GLIS3: variants seen among roughly 807,000 people sequenced by gnomAD.
The protein encoded by GLIS3 is GLIS family zinc finger 3, also known as zinc finger protein GLIS3.
A neutral mutation model predicts 78.6 loss-of-function variants in GLIS3; 53 were observed. The ratio of observed to expected loss-of-function variants is 0.67; its 90% CI spans 0.54 to 0.85. The LOEUF is 0.85. GLIS3 is among the 40% of genes least tolerant of loss of function. The pLI is 0.00. For synonymous variants in GLIS3, 684 were observed against 509.9 expected (o/e 1.34, Z -4.60); for missense variants, 1,703 against 1,231.1 (o/e 1.38, Z -5.74).
At chr9:4,318,845 C>G (rs979296016) in intron 2 of GLIS3, among the ~76,000 whole-genome samples, 4 of 152,182 alleles carry the variant, frequency 2.6e-5, no homozygotes, top group Admixed American at 6.5e-5. Flanking sequence ...TATCTCCCCA[C>G]AGATTACTTG....
chr9:3,854,528 C>G (rs1201160789), intron 9 of GLIS3, among the ~76,000 whole-genome samples: 2 of 124,264 alleles, frequency 1.6e-5, no homozygotes, highest in Non-Finnish European at 3.4e-5. Context: ...CTGTTCAGGC[C>G]TTTACGTTGA....
At chr9:4,161,813 G>A (rs1008247135) in intron 2 of GLIS3, among the ~76,000 whole-genome samples, 11 of 150,846 alleles carry the variant, frequency 7.3e-5, no homozygotes. Context: ...TCAAGTAGCT[G>A]GGATTACAGG....
intron 2 of GLIS3, among the ~76,000 whole-genome samples, chr9:4,263,032 A>T (rs1453838926): frequency 6.6e-6 from 1 of 152,084 alleles, no homozygotes; most frequent in East Asian, 1.9e-4. Context: ...AGGCAAGGCT[A>T]GAATGTTTCC....
At chr9:3,897,001 A>T (rs1471663227) in intron 7 of GLIS3, among the ~76,000 whole-genome samples, 1 of 152,242 alleles carries the variant, frequency 6.6e-6, no homozygotes, top group East Asian at 1.9e-4. Context: ...ACCTTAAAAT[A>T]TTTAAAACTC....
At chr9:4,239,907 G>A (rs886263237) in intron 2 of GLIS3, among the ~76,000 whole-genome samples, 3 of 152,098 alleles carry the variant, frequency 2.0e-5, no homozygotes, top group Admixed American at 6.5e-5. Context: ...GACCTTTACA[G>A]GAATAAAGGA....
chr9:4,332,308 G>A (rs767977501), intron 2 of GLIS3, among the ~76,000 whole-genome samples: 2 of 152,088 alleles, frequency 1.3e-5, no homozygotes, highest in Non-Finnish European at 2.9e-5. Context: ...TGGAGGCAGG[G>A]ACTGTTAACT....
chr9:4,271,481 G>A (rs1416678717), intron 2 of GLIS3, among the ~76,000 whole-genome samples: 1 of 152,136 alleles, frequency 6.6e-6, no homozygotes, highest in Non-Finnish European at 1.5e-5. Flanking sequence ...CTAAAAAACA[G>A]AAAAGTTATC....
intron 4 of GLIS3, among the ~76,000 whole-genome samples, chr9:4,089,916 G>T (rs1829353401): frequency 2.0e-5 from 3 of 152,318 alleles, no homozygotes; most frequent in East Asian, 1.9e-4. Context: ...TGATCATAAA[G>T]AGGAGTATTT....
At chr9:4,429,699 C>CA in the GLIS3 span, among the ~76,000 whole-genome samples, 3 of 152,110 alleles carry the variant, frequency 2.0e-5, no homozygotes, top group Non-Finnish European at 4.4e-5. Context: ...CTGTTTTCAC[C>CA]AAACATTGAA....
At chr9:4,121,752 T>A (rs897761183) in intron 3 of GLIS3, among the ~76,000 whole-genome samples, 1 of 152,134 alleles carries the variant, frequency 6.6e-6, no homozygotes, top group African/African-American at 2.4e-5. Context: ...TTTCTTTACA[T>A]TGTATCCCAC....
At chr9:4,466,873 C>T in the GLIS3 span, among the ~76,000 whole-genome samples, 228 of 152,318 alleles carry the variant, frequency 1.5e-3, no homozygotes, top group African/African-American at 5.2e-3. Flanking sequence ...GGGGTATTCC[C>T]CTTCCTAGCC....
At chr9:3,840,057 G>C (rs902806346) in intron 9 of GLIS3, among the ~76,000 whole-genome samples, 6 of 152,132 alleles carry the variant, frequency 3.9e-5, no homozygotes, top group Non-Finnish European at 5.9e-5. Context: ...TTGGATGAAT[G>C]ATTTTTTCTT....
the GLIS3 span, among the ~76,000 whole-genome samples, chr9:4,392,600 G>T: frequency 6.6e-6 from 1 of 151,960 alleles, no homozygotes; most frequent in African/African-American, 2.4e-5. Context: ...TTTTTCTTTT[G>T]TATCTGGTCC....
intron 2 of GLIS3, among the ~76,000 whole-genome samples, chr9:4,181,159 C>A (rs893237446): frequency 6.6e-6 from 1 of 152,242 alleles, no homozygotes; most frequent in Non-Finnish European, 1.5e-5. Context: ...GGGCTTCAGG[C>A]ATAGCTCCTC....
At chr9:4,065,445 C>T (rs867981435) in intron 4 of GLIS3, among the ~76,000 whole-genome samples, 1 of 152,164 alleles carries the variant, frequency 6.6e-6, no homozygotes, top group Non-Finnish European at 1.5e-5. Context: ...CGCTGTAAAA[C>T]AGCCAAAGTG....
chr9:4,472,164 G>A, the GLIS3 span, among the ~76,000 whole-genome samples: 1 of 152,206 alleles, frequency 6.6e-6, no homozygotes, highest in Non-Finnish European at 1.5e-5. Context: ...TGGTGGGACT[G>A]TAAACTAGTT....
chr9:4,155,776 C>G (rs1032160463), intron 2 of GLIS3, among the ~76,000 whole-genome samples: 2 of 152,084 alleles, frequency 1.3e-5, no homozygotes, highest in African/African-American at 4.8e-5. Context: ...AGGCCCATCC[C>G]AGAGTTTCTG....
chr9:4,279,794 T>C (rs796529505), intron 2 of GLIS3, among the ~76,000 whole-genome samples: 47 of 152,112 alleles, frequency 3.1e-4, no homozygotes, highest in African/African-American at 1.1e-3. Flanking sequence ...ATCATTCCTT[T>C]ACTTAGGTTT....
the GLIS3 span, among the ~76,000 whole-genome samples, chr9:4,475,847 G>T: frequency 6.6e-6 from 1 of 152,208 alleles, no homozygotes; most frequent in African/African-American, 2.4e-5. Context: ...AGAGAGGGTA[G>T]TAGAAGAAGA....
Sources: gnomAD v4.1 joint callset for allele counts (sites outside exome capture counted in the v4.1 genomes callset) on GRCh38, gnomAD v4.1.1 for gene constraint, MANE v1.5 for transcripts, NCBI Gene and HGNC (gene_info 2026-07-23, HGNC 2026-07-21) for gene names.